The following MAGI1 variants were observed in gnomAD, a reference collection of about 807,000 sequenced individuals.
MAGI1 encodes the protein membrane-associated guanylate kinase, WW and PDZ domain-containing protein 1.
In MAGI1, 58 loss-of-function variants were observed where a neutral mutation model predicts 139.9. The observed-to-expected ratio is 0.41, with a 90% CI of 0.34 to 0.52. The LOEUF is 0.52. Ranked by LOEUF, MAGI1 falls within the 20% of genes least tolerant of loss-of-function variation. The pLI is 0.12. For synonymous variants in MAGI1, 812 were observed against 737.9 expected (o/e 1.10, Z -1.63); for missense variants, 1,874 against 1,901.6 (o/e 0.99, Z 0.27).
At chr3:65,845,355 C>T (rs899233462) in intron 1 of MAGI1, among the ~76,000 whole-genome samples, 1 of 152,026 alleles carries the variant, frequency 6.6e-6, no homozygotes, top group African/African-American at 2.4e-5. Flanking sequence ...TGGAGTAACG[C>T]TGAACTTGCT....
intron 2 of MAGI1, among the ~76,000 whole-genome samples, chr3:65,548,527 T>TC (rs1170657206): frequency 2.2e-5 from 3 of 134,654 alleles, no homozygotes; most frequent in African/African-American, 9.0e-5. Flanking sequence ...TTTTTTTTTT[T>TC]TTTTTTTTTT....
intron 1 of MAGI1, among the ~76,000 whole-genome samples, chr3:65,964,219 G>A (rs762842650): frequency 2.0e-5 from 3 of 152,004 alleles, no homozygotes; most frequent in African/African-American, 4.8e-5. Context: ...TTACCTTAGC[G>A]TCAGAGATCC....
intron 1 of MAGI1, among the ~76,000 whole-genome samples, chr3:65,868,422 C>T (rs191659318): frequency 2.6e-5 from 4 of 152,278 alleles, no homozygotes; most frequent in Admixed American, 2.0e-4. Context: ...ACGGGTAGAG[C>T]GCAGATTCAA....
At chr3:65,824,450 T>G (rs1166974073) in intron 1 of MAGI1, among the ~76,000 whole-genome samples, 1 of 152,196 alleles carries the variant, frequency 6.6e-6, no homozygotes, top group Non-Finnish European at 1.5e-5. Context: ...CCAGCAGGTA[T>G]AGAGGCCCCA....
chr3:65,431,491 TC>T (rs1276637272), intron 10 of MAGI1, among the ~76,000 whole-genome samples: 1 of 152,200 alleles, frequency 6.6e-6, no homozygotes, highest in East Asian at 1.9e-4. Flanking sequence ...ATTTATCTGA[TC>T]TTTTATTAAA....
chr3:65,518,574 G>T (rs768328080), intron 2 of MAGI1, among the ~76,000 whole-genome samples: 1 of 152,072 alleles, frequency 6.6e-6, no homozygotes, highest in African/African-American at 2.4e-5. Context: ...GATGTGACTT[G>T]GAATCCCAAA....
At chr3:65,435,617 T>C (rs548172479) in intron 10 of MAGI1, among the ~76,000 whole-genome samples, 3 of 152,298 alleles carry the variant, frequency 2.0e-5, no homozygotes, top group South Asian at 4.1e-4. Flanking sequence ...CAGAGAATCA[T>C]AGTCTCTTGC....
At chr3:65,836,834 G>A (rs1302876149) in intron 1 of MAGI1, among the ~76,000 whole-genome samples, 1 of 152,058 alleles carries the variant, frequency 6.6e-6, no homozygotes, top group Non-Finnish European at 1.5e-5. Context: ...GAGAAAGAGA[G>A]AAAGAGCGAG....
chr3:65,419,344 A>AT (rs1276556133), intron 12 of MAGI1, among the ~76,000 whole-genome samples: 2 of 152,102 alleles, frequency 1.3e-5, no homozygotes, highest in Non-Finnish European at 2.9e-5. Flanking sequence ...CACAGTAAAT[A>AT]TTTCATAAAA....
chr3:65,826,431 T>A (rs904813188), intron 1 of MAGI1, among the ~76,000 whole-genome samples: 2 of 152,364 alleles, frequency 1.3e-5, no homozygotes, highest in South Asian at 4.1e-4. Context: ...CAGCATTCTG[T>A]GCAAATTCTT....
At chr3:65,632,536 G>A (rs1208388705) in intron 1 of MAGI1, among the ~76,000 whole-genome samples, 3 of 152,162 alleles carry the variant, frequency 2.0e-5, no homozygotes, top group Non-Finnish European at 4.4e-5. Flanking sequence ...TTCAGTGGAT[G>A]TGTTCTTTAC....
intron 2 of MAGI1, among the ~76,000 whole-genome samples, chr3:65,619,397 C>T (rs2083551053): frequency 6.6e-6 from 1 of 152,132 alleles, no homozygotes; most frequent in Non-Finnish European, 1.5e-5. Flanking sequence ...AATGAAGGAG[C>T]TTTATTTCTT....
At chr3:65,363,643 G>T in intron 20 of MAGI1, 35 bp from the exon 21 acceptor site, 1 of 1,593,340 alleles carries the variant, frequency 6.3e-7, no homozygotes, top group South Asian at 1.1e-5. Context: ...CATTCTAGGA[G>T]AACTAATATC....
intron 1 of MAGI1, among the ~76,000 whole-genome samples, chr3:65,818,351 G>T (rs2041739861): frequency 6.6e-6 from 1 of 152,118 alleles, no homozygotes; most frequent in African/African-American, 2.4e-5. Context: ...AATAAACATG[G>T]TAAGTTTCCT....
chr3:65,856,770 C>T (rs1032217281), intron 1 of MAGI1, among the ~76,000 whole-genome samples: 22 of 152,268 alleles, frequency 1.4e-4, no homozygotes, highest in Middle Eastern at 3.4e-3. Context: ...TGGTCTTAAC[C>T]CTCTCTGCAA....
intron 3 of MAGI1, among the ~76,000 whole-genome samples, chr3:65,488,308 T>A (rs1218541107): frequency 1.3e-5 from 2 of 152,158 alleles, no homozygotes; most frequent in East Asian, 3.8e-4. Context: ...CGCTGTGTAG[T>A]TTCTCTCAAA....
intron 2 of MAGI1, among the ~76,000 whole-genome samples, chr3:65,526,753 T>A (rs1266704414): frequency 1.3e-5 from 2 of 152,176 alleles, no homozygotes; most frequent in Admixed American, 1.3e-4. Flanking sequence ...TTCAGTGCTA[T>A]GATGGGAGCA....
At chr3:65,609,262 A>T (rs150766586) in intron 2 of MAGI1, among the ~76,000 whole-genome samples, 3 of 149,918 alleles carry the variant, frequency 2.0e-5, no homozygotes, top group Non-Finnish European at 4.4e-5. Context: ...TTTCATCTCT[A>T]TCTCTCTCTC....
intron 1 of MAGI1, among the ~76,000 whole-genome samples, chr3:65,839,252 C>A (rs1157867959): frequency 6.6e-6 from 1 of 152,098 alleles, no homozygotes; most frequent in Non-Finnish European, 1.5e-5. Flanking sequence ...TGTGGTGATA[C>A]TGATGTAAAA....
Sources: gnomAD v4.1 joint callset for allele counts (sites outside exome capture counted in the v4.1 genomes callset) on GRCh38, gnomAD v4.1.1 for gene constraint, MANE v1.5 for transcripts, NCBI Gene and HGNC (gene_info 2026-07-23, HGNC 2026-07-21) for gene names.